PML: variants seen among roughly 807,000 people sequenced by gnomAD.
The protein encoded by PML is PML nuclear body scaffold.
Under a neutral mutation model 65.2 loss-of-function variants are expected in PML, and 28 were observed. That is an observed-to-expected ratio of 0.43 (90% CI 0.32 to 0.59). PML has a LOEUF of 0.59. Among genes scored for constraint, PML ranks in the 20% least tolerant of loss-of-function variants. PML has a pLI of 0.08. For synonymous variants in PML, 500 were observed against 508.8 expected, an observed-to-expected ratio of 0.98 and a Z score of 0.23; for missense variants, 1,021 against 1,203.4, an observed-to-expected ratio of 0.85 and a Z score of 2.24.
Position 74,024,944 on chromosome 15 carries a change from G to T in PML, c.1254+17G>T, listed in dbSNP as rs1489079799. On this transcript the variant is annotated intron_variant, in intron 4 of 8. Coordinates refer to ENST00000268058, the MANE Select transcript of PML (RefSeq NM_033238.3). ...GTTGACCTGGTGAGATGGGTTTGAGGTCTGAAGGGGTGGTGGTGGGGCCCA... is the reference window on the plus strand; with the variant it reads ...GTTGACCTGGTGAGATGGGTTTGAGTTCTGAAGGGGTGGTGGTGGGGCCCA... 6.3e-7 allele frequency: 1 copy of T among 1,587,034 alleles called. No individual in the cohort carries two copies.
chr15:74,016,959 G>A (rs1488316469), intron 2 of PML, among the ~76,000 whole-genome samples: 1 of 151,710 alleles, frequency 6.6e-6, no homozygotes, highest in Non-Finnish European at 1.5e-5. Flanking sequence ...ACCATGCCCG[G>A]CCAATTTTTT....
intron 2 of PML, among the ~76,000 whole-genome samples, chr15:74,011,933 C>T (rs12441125): frequency 6.6e-6 from 1 of 152,188 alleles, no homozygotes; most frequent in African/African-American, 2.4e-5. Context: ...CAGCCCACAG[C>T]TAATGACTGC....
chr15:74,016,500 C>A (rs2070581849), intron 2 of PML, among the ~76,000 whole-genome samples: 1 of 151,906 alleles, frequency 6.6e-6, no homozygotes, highest in South Asian at 2.1e-4. Context: ...TGTTGTAATA[C>A]CTAGATGGGA....
intron 6 of PML, 127 bp from the exon 7 acceptor site, chr15:74,034,351 G>C (rs565949358): frequency 5.0e-6 from 6 of 1,192,118 alleles, no homozygotes; most frequent in Non-Finnish European, 1.2e-6. Flanking sequence ...GGCTGTTCCC[G>C]TCCCCCTGCA....
intron 2 of PML, among the ~76,000 whole-genome samples, chr15:74,010,353 G>A (rs1408434674): frequency 6.6e-6 from 1 of 151,084 alleles, no homozygotes; most frequent in African/African-American, 2.4e-5. Context: ...TTTTTAACAA[G>A]ACTTGAAATT....
rs142023780 is a variant in PML, at chr15:74,024,881, G to A, written c.1208G>A (p.Ser403Asn). ...GKDAAVSKKA[S>N]PEAASTPRDP... Reference sequence around the variant, plus strand: ...GATGCAGCTGTATCCAAGAAAGCCAGCCCAGAGGCTGCCAGCACTCCCAGG... The same window carrying A: ...GATGCAGCTGTATCCAAGAAAGCCAACCCAGAGGCTGCCAGCACTCCCAGG... The change falls in exon 4 of 9, where the codon AGC becomes AAC. Residue 403 changes from serine (S) to asparagine (N), a missense_variant. Physicochemically the swap from Ser to Asn is conservative, Grantham distance 46. Coordinates refer to ENST00000268058, the MANE Select transcript of PML (RefSeq NM_033238.3). 3 of 1,613,898 alleles carry A rather than the reference G, an allele frequency of 1.9e-6. No individual in the cohort carries two copies. In the African/African-American group the frequency reaches 4.0e-5, roughly 22 times the overall value.
intron 4 of PML, among the ~76,000 whole-genome samples, chr15:74,028,777 C>CT (rs1452776884): frequency 6.6e-6 from 1 of 152,244 alleles, no homozygotes; most frequent in East Asian, 1.9e-4. Context: ...TGACTGGCCA[C>CT]TTTCACTTAG....
rs780031954 is a variant in PML, at chr15:74,033,293, C to T, written c.1536C>T (p.Ser512=). 3.7e-6 allele frequency: 6 copies of T among 1,614,238 alleles called. No individual in the cohort carries two copies. The highest frequency in any genetic ancestry group is 5.1e-6 in the Non-Finnish European group (6 of 1,180,038). Residue 512 remains serine (S), a synonymous_variant, in exon 6 of 9, where the codon AGC becomes AGT. Coordinates refer to ENST00000268058, the MANE Select transcript of PML (RefSeq NM_033238.3). ...ARSSPEQPRP[S]TSKAVSPPHL... is the part of the protein sequence containing the mutation. ...GCTCCCCGGAGCAGCCCAGGCCCAG[C>T]ACCTCCAAGGCAGTCTCACCACCCC... is the stretch of plus-strand genomic sequence containing the variant.
chr15:74,041,511 A>C (rs2071696996), intron 7 of PML: 1 of 152,394 alleles, frequency 6.6e-6, no homozygotes, highest in Admixed American at 6.5e-5. Flanking sequence ...GGCGCTGGGC[A>C]GACTCTCTGA....
At chr15:74,000,868 A>G (rs910128760) in intron 2 of PML, among the ~76,000 whole-genome samples, 5 of 152,226 alleles carry the variant, frequency 3.3e-5, no homozygotes, top group Non-Finnish European at 7.3e-5. Flanking sequence ...TACTCAGTGA[A>G]TGTTAAAATT....
chr15:74,039,339 G>A (rs76155021), intron 7 of PML, among the ~76,000 whole-genome samples: 7,126 of 152,292 alleles, frequency 0.047, 264 homozygotes, highest in East Asian at 0.19. Context: ...AGTATTCCTG[G>A]GGTCTTTGAG....
At chr15:74,016,636 T>A (rs1354920687) in intron 2 of PML, among the ~76,000 whole-genome samples, 2 of 152,124 alleles carry the variant, frequency 1.3e-5, no homozygotes, top group African/African-American at 4.8e-5. Flanking sequence ...AGGAAACTAC[T>A]ATCACTCTAG....
At chr15:74,002,520 T>C (rs1409149979) in intron 2 of PML, among the ~76,000 whole-genome samples, 1 of 146,656 alleles carries the variant, frequency 6.8e-6, no homozygotes. Context: ...CTCGGCTCAC[T>C]GCAACCTCCT....
intron 5 of PML, 89 bp downstream of exon 5, chr15:74,032,804 T>C: frequency 7.5e-7 from 1 of 1,332,740 alleles, no homozygotes. Context: ...AATCCAGGCC[T>C]TCATCAGATC....
At chr15:74,001,570 G>T (rs182183258) in intron 2 of PML, among the ~76,000 whole-genome samples, 8 of 152,032 alleles carry the variant, frequency 5.3e-5, no homozygotes, top group African/African-American at 1.9e-4. Context: ...CGAACTCCTG[G>T]CCTCAAGTGA....
Position 74,047,588 on chromosome 15 carries a change from G to A in PML, c.*2580G>A. The A allele has an allele frequency of 4.7e-6, 1 of 214,052 alleles. No homozygotes were observed. The highest frequency in any genetic ancestry group is 9.4e-6 in the Non-Finnish European group (1 of 105,966). The allele number at this position is 214,052 out of a possible 1,614,324, so 13.3% of individuals were successfully genotyped here. Reference sequence around the variant, plus strand: ...TTCAATCCTCACTTAGTAGTCTGTGGCCCTCTTTGGCACATTAACCTCCCT... The same window carrying A: ...TTCAATCCTCACTTAGTAGTCTGTGACCCTCTTTGGCACATTAACCTCCCT... On this transcript the variant is annotated 3_prime_UTR_variant, in exon 9 of 9. Coordinates refer to ENST00000268058, the MANE Select transcript of PML (RefSeq NM_033238.3).
At chr15:74,034,407 G>A in intron 6 of PML, 71 bp from the exon 7 acceptor site, 3 of 1,610,742 alleles carry the variant, frequency 1.9e-6, no homozygotes, top group Non-Finnish European at 2.5e-6. Context: ...GATTCCCATA[G>A]GTGCACACCC....
At chr15:74,034,091 G>A in intron 6 of PML, 2 of 369,638 alleles carry the variant, frequency 5.4e-6, no homozygotes, top group Non-Finnish European at 1.0e-5. Context: ...TTAACTAAAT[G>A]AAGCGTCTTT....
rs1423331024 is a variant in PML, at chr15:74,045,824, A to T, written c.*816A>T. 3 of 232,266 alleles carry T rather than the reference A, an allele frequency of 1.3e-5. No homozygotes were observed. The highest frequency in any genetic ancestry group is 6.6e-5 in the African/African-American group (3 of 45,286). The allele number at this position is 232,266 out of a possible 1,614,324, so 14.4% of individuals were successfully genotyped here. On this transcript the variant is annotated 3_prime_UTR_variant, in exon 9 of 9. Coordinates refer to ENST00000268058, the MANE Select transcript of PML (RefSeq NM_033238.3). ...GTAGTCCAGGACCTGCGGCATCAGC[A>T]TCCCCTGGGAGCTTCTTAGAAATGC...
Sources: gnomAD v4.1 joint callset for allele counts (sites outside exome capture counted in the v4.1 genomes callset) on GRCh38, gnomAD v4.1.1 for gene constraint, MANE v1.5 for transcripts, NCBI Gene and HGNC (gene_info 2026-07-23, HGNC 2026-07-21) for gene names.